The following THADA variants were observed in gnomAD, a reference collection of about 807,000 sequenced individuals.
THADA encodes THADA armadillo repeat containing, also known as tRNA (32-2'-O)-methyltransferase regulator THADA.
THADA carries 213 observed loss-of-function variants against 219.8 expected under a neutral mutation model. The observed-to-expected ratio is 0.97, with a 90% CI of 0.87 to 1.09. The LOEUF (loss-of-function observed/expected upper bound fraction) is 1.09. Ranked by LOEUF, THADA falls within the 50% of genes least tolerant of loss-of-function variation. THADA has a pLI of 0.00. For missense variants in THADA, 2,956 were observed against 2,311.3 expected, an observed-to-expected ratio of 1.28 and a Z score of -5.72; for synonymous variants, 1,018 against 828.9, an observed-to-expected ratio of 1.23 and a Z score of -3.92.
rs1164151820 is a variant in THADA, at chr2:43,248,057, CAAACAAAA to C, written c.5297-15183_5297-15176del. ...AACCCTATCTTAAAGCAAAACAAAA[CAAACAAAA>C]AAAAAGTTGATATTTAAGAAAATAA... On this transcript the variant is annotated intron_variant, in intron 36 of 37. Transcript: ENST00000405975. 5.6e-5 allele frequency among the ~76,000 whole-genome samples: 8 copies of C among 143,206 alleles called. No homozygotes were observed. In the East Asian group the frequency reaches 1.4e-3, roughly 25 times the overall value. The allele number at this position is 143,206 out of a possible 152,430, so 93.9% of individuals were successfully genotyped here.
At chr2:43,512,700 C>T (rs1690650736) in intron 22 of THADA, among the ~76,000 whole-genome samples, 1 of 152,178 alleles carries the variant, frequency 6.6e-6, no homozygotes, top group South Asian at 2.1e-4. Flanking sequence ...TGGGGTTTCC[C>T]CATGTTGGTC....
chr2:43,510,365 C>T (rs1169000898), intron 22 of THADA, among the ~76,000 whole-genome samples: 2 of 152,070 alleles, frequency 1.3e-5, no homozygotes. Flanking sequence ...ATGTGATATA[C>T]ATATACACAA....
chr2:43,365,428 G>A (rs1670017664), intron 29 of THADA, among the ~76,000 whole-genome samples: 1 of 151,872 alleles, frequency 6.6e-6, no homozygotes, highest in Admixed American at 6.6e-5. Context: ...AAAATTAGCT[G>A]GGCGTGGTGG....
intron 26 of THADA, among the ~76,000 whole-genome samples, chr2:43,484,952 AAC>A (rs550019069): frequency 0.032 from 4,874 of 150,546 alleles, 178 homozygotes; most frequent in African/African-American, 0.093. Flanking sequence ...AAAAAAAAAA[AAC>A]AAAAAAAACA....
At chr2:43,353,680 G>A (rs185247031) in intron 29 of THADA, among the ~76,000 whole-genome samples, 4 of 152,130 alleles carry the variant, frequency 2.6e-5, no homozygotes, top group Non-Finnish European at 4.4e-5. Flanking sequence ...TATTGAGATG[G>A]AGTCTTGCTC....
chr2:43,381,280 T>C (rs962914425), intron 29 of THADA, among the ~76,000 whole-genome samples: 3 of 151,866 alleles, frequency 2.0e-5, no homozygotes. Flanking sequence ...AAAATAAATA[T>C]CTGTGAGTCC....
intron 36 of THADA, among the ~76,000 whole-genome samples, chr2:43,269,225 T>C (rs1350958483): frequency 6.6e-6 from 1 of 152,200 alleles, no homozygotes; most frequent in Non-Finnish European, 1.5e-5. Flanking sequence ...AGCCTCAGAC[T>C]GAGGGCTTAT....
intron 20 of THADA, among the ~76,000 whole-genome samples, chr2:43,541,928 A>G (rs995304182): frequency 6.6e-6 from 1 of 152,232 alleles, no homozygotes; most frequent in African/African-American, 2.4e-5. Context: ...ATGGATGACT[A>G]TAATAAATAC....
Position 43,590,974 on chromosome 2 carries a change from A to C in THADA, c.172-20T>G, listed in dbSNP as rs1701499908. On this transcript the variant is annotated intron_variant, in intron 3 of 37. Coordinates refer to ENST00000405975, the MANE Select transcript of THADA (RefSeq NM_022065.5). ...CACAATCTATAATACAAAACATTGA[A>C]GTAATTTTTATAATATCAAATATAG... 1 of 1,600,264 alleles carries C rather than the reference A, an allele frequency of 6.2e-7. No individual in the cohort carries two copies. The highest frequency in any genetic ancestry group is 1.3e-5 in the African/African-American group (1 of 74,228).
chr2:43,520,601 G>C (rs937779888), intron 22 of THADA, among the ~76,000 whole-genome samples: 1 of 151,884 alleles, frequency 6.6e-6, no homozygotes, highest in Non-Finnish European at 1.5e-5. Flanking sequence ...GAGGTGAGAG[G>C]ACTGCTTGAG....
At chr2:43,491,082 T>C (rs1371358647) in intron 25 of THADA, among the ~76,000 whole-genome samples, 1 of 152,162 alleles carries the variant, frequency 6.6e-6, no homozygotes, top group Non-Finnish European at 1.5e-5. Flanking sequence ...TTCAAGGATA[T>C]CTGTTTCAGG....
At chr2:43,537,099 T>C (rs1342090177) in intron 21 of THADA, among the ~76,000 whole-genome samples, 2 of 152,230 alleles carry the variant, frequency 1.3e-5, no homozygotes, top group Non-Finnish European at 2.9e-5. Flanking sequence ...AACTGTACCT[T>C]CTCTCCTACA....
intron 32 of THADA, 30 bp downstream of exon 32, chr2:43,292,804 A>C: frequency 1.3e-6 from 2 of 1,593,738 alleles, no homozygotes; most frequent in Non-Finnish European, 1.7e-6. Context: ...GGGGAGTGTA[A>C]AGGGCCAGTC....
intron 22 of THADA, among the ~76,000 whole-genome samples, chr2:43,520,713 T>TATATATATAC (rs1218079783): frequency 0.02 from 2,520 of 124,878 alleles, 22 homozygotes; most frequent in African/African-American, 0.029. Context: ...TATATATATA[T>TATATATATAC]ACACACACAC....
At chr2:43,264,651 A>G (rs762301486) in intron 36 of THADA, among the ~76,000 whole-genome samples, 5 of 152,198 alleles carry the variant, frequency 3.3e-5, no homozygotes, top group Non-Finnish European at 5.9e-5. Flanking sequence ...AAAGAGACTC[A>G]GTGCTGTTTG....
intron 31 of THADA, among the ~76,000 whole-genome samples, chr2:43,304,854 T>C (rs1338602915): frequency 2.0e-5 from 3 of 152,124 alleles, no homozygotes; most frequent in African/African-American, 7.2e-5. Context: ...GTATTTTTAG[T>C]AGAGACAGGG....
rs115070364 is a variant in THADA at position 43,442,095 on chromosome 2, T to C, written c.3837-11793A>G. Among the ~76,000 whole-genome samples the C allele has an allele frequency of 5.8e-3, 881 of 152,218 alleles. 14 individuals carry two copies. The highest frequency in any genetic ancestry group is 0.02 in the African/African-American group (831 of 41,536). ...ACAATAAGAGTTTGGAGTTGGAAAATATATCATTTGGGTCGGGGACATCAT... is the reference window on the plus strand; with the variant it reads ...ACAATAAGAGTTTGGAGTTGGAAAACATATCATTTGGGTCGGGGACATCAT... On this transcript the variant is annotated intron_variant, in intron 26 of 37. Transcript: ENST00000405975.
chr2:43,496,528 C>T (rs965063482), intron 25 of THADA, among the ~76,000 whole-genome samples: 3 of 152,100 alleles, frequency 2.0e-5, no homozygotes, highest in African/African-American at 4.8e-5. Context: ...GCAGAGTCCA[C>T]AGCATCCAAA....
intron 28 of THADA, among the ~76,000 whole-genome samples, chr2:43,402,871 G>A (rs1030997045): frequency 4.6e-5 from 7 of 152,226 alleles, no homozygotes; most frequent in African/African-American, 9.6e-5. Context: ...AGGCGGCGGA[G>A]AGGCAGAGAG....
Sources: gnomAD v4.1 joint callset for allele counts (sites outside exome capture counted in the v4.1 genomes callset) on GRCh38, gnomAD v4.1.1 for gene constraint, MANE v1.5 for transcripts, NCBI Gene and HGNC (gene_info 2026-07-23, HGNC 2026-07-21) for gene names.